ATXN3: variants seen among roughly 807,000 people sequenced by gnomAD.
ATXN3 encodes the protein ataxin 3, also known as ataxin-3.
ATXN3 carries 28 observed loss-of-function variants against 58.2 expected under a neutral mutation model. The observed-to-expected ratio is 0.48, with a 90% CI of 0.36 to 0.66. ATXN3 has a LOEUF of 0.66. Ranked by LOEUF, ATXN3 falls within the 30% of genes least tolerant of loss-of-function variation. ATXN3 has a pLI of 0.00. For missense variants in ATXN3, 321 were observed against 422.1 expected (o/e 0.76, Z 2.10); for synonymous variants, 113 against 138.5 (o/e 0.82, Z 1.29).
At chr14:92,106,383 G>T in intron 1 of ATXN3, 146 bp downstream of exon 1, 1 of 1,006,286 alleles carries the variant, frequency 9.9e-7, no homozygotes, top group Non-Finnish European at 1.5e-6. Flanking sequence ...AGCCGAGGAG[G>T]CGGGAGGCTG....
chr14:92,090,398 G>C (rs1355182003), intron 5 of ATXN3: 3 of 152,136 alleles, frequency 2.0e-5, no homozygotes, highest in Middle Eastern at 3.1e-3. Context: ...GTTAGCCACT[G>C]CACTCGGCCC....
intron 3 of ATXN3, 54 bp from the exon 4 acceptor site, chr14:92,093,885 AG>A: frequency 1.9e-6 from 2 of 1,076,012 alleles, no homozygotes; most frequent in Non-Finnish European, 2.9e-6. Context: ...TTCCAAATTT[AG>A]GAAGTGTAGC....
chr14:92,092,484 A>G (rs947764903), intron 5 of ATXN3, among the ~76,000 whole-genome samples: 3 of 152,242 alleles, frequency 2.0e-5, no homozygotes, highest in African/African-American at 7.2e-5. Context: ...TGGAATCATA[A>G]TGAATAATCT....
At chr14:92,092,787 C>A (rs1268300685) in intron 5 of ATXN3, among the ~76,000 whole-genome samples, 5 of 151,394 alleles carry the variant, frequency 3.3e-5, no homozygotes, top group Admixed American at 2.0e-4. Context: ...CCATGCTACA[C>A]ACACACACAT....
chr14:92,096,014 T>C, intron 3 of ATXN3, 79 bp downstream of exon 3: 1 of 1,171,020 alleles, frequency 8.5e-7, no homozygotes. Flanking sequence ...AAGGTCGCCT[T>C]GTTACAGTGA....
intron 2 of ATXN3, 25 bp downstream of exon 2, chr14:92,096,649 G>C (rs762803649): frequency 2.1e-6 from 3 of 1,447,258 alleles, no homozygotes; most frequent in Non-Finnish European, 9.5e-7. Flanking sequence ...AAAGAAATGT[G>C]ACTTAGTGAG....
chr14:92,065,889 A>AAATAAT (rs146832756), intron 10 of ATXN3, among the ~76,000 whole-genome samples: 42,655 of 151,486 alleles, frequency 0.28, 6,312 homozygotes, highest in African/African-American at 0.38. Flanking sequence ...TAAAAAAGAA[A>AAATAAT]AATAATAATA....
At chr14:92,077,979 T>TC (rs1230879379) in intron 9 of ATXN3, among the ~76,000 whole-genome samples, 1 of 103,756 alleles carries the variant, frequency 9.6e-6, no homozygotes, top group Non-Finnish European at 2.0e-5. Context: ...TTCTTTTCTC[T>TC]TTTTTTTTTT....
intron 2 of ATXN3, 197 bp downstream of exon 2, chr14:92,096,477 A>T: frequency 9.2e-6 from 7 of 758,574 alleles, no homozygotes; most frequent in South Asian, 1.9e-5. Context: ...ACAAAAAATT[A>T]GCCGGGCATA....
At chr14:92,066,671 G>A (rs1029792532) in intron 10 of ATXN3, among the ~76,000 whole-genome samples, 1 of 141,354 alleles carries the variant, frequency 7.1e-6, no homozygotes, top group African/African-American at 2.6e-5. Flanking sequence ...ACAGTGGCAT[G>A]AGCTTGGCTC....
intron 5 of ATXN3, among the ~76,000 whole-genome samples, chr14:92,091,691 G>A (rs2063851171): frequency 6.9e-6 from 1 of 145,180 alleles, no homozygotes; most frequent in South Asian, 2.3e-4. Context: ...CATATTTAAA[G>A]TGTATAATTT....
chr14:92,061,843 C>T lies in ATXN3; in HGVS notation c.*2477G>A, dbSNP rs1377030264. The T allele has an allele frequency of 6.6e-6, 1 of 152,182 alleles. No homozygotes were observed. Among genetic ancestry groups the T allele is most frequent in the Non-Finnish European group, 1.5e-5 (1 of 68,032 alleles). 9.4% of individuals were successfully genotyped at this position (152,182 alleles called of 1,614,324 possible). A position where few individuals can be genotyped will look rare whatever the true frequency, so the allele number is the denominator to read the frequency against. The stretch of plus-strand genomic sequence containing the variant: ...AAACAGTCAATTAAATTTAAGCCAA[C>T]CCCACCAAGATGACAGTTCACTAGT... On this transcript the variant is annotated 3_prime_UTR_variant, in exon 11 of 11. Transcript: ENST00000644486.
intron 2 of ATXN3, among the ~76,000 whole-genome samples, chr14:92,045,612 G>T (rs2057423279): frequency 6.6e-6 from 1 of 152,114 alleles, no homozygotes; most frequent in South Asian, 2.1e-4. Context: ...AATAGCAGAT[G>T]GAACACTGAG....
intron 3 of ATXN3, among the ~76,000 whole-genome samples, chr14:92,095,253 T>C (rs1056315103): frequency 1.3e-5 from 2 of 152,104 alleles, no homozygotes; most frequent in African/African-American, 4.8e-5. Flanking sequence ...AAGGATTTCT[T>C]TTTTTCTTTG....
At chr14:92,093,495 C>T (rs935366876) in intron 4 of ATXN3, 177 bp from the exon 5 acceptor site, 1 of 619,156 alleles carries the variant, frequency 1.6e-6, no homozygotes, top group Non-Finnish European at 2.8e-6. Context: ...CTTAGTGATG[C>T]TGTGCCACAA....
At chr14:92,074,623 G>A (rs1321799930) in intron 9 of ATXN3, among the ~76,000 whole-genome samples, 1 of 152,196 alleles carries the variant, frequency 6.6e-6, no homozygotes, top group Non-Finnish European at 1.5e-5. Flanking sequence ...TACTGTGGAG[G>A]CCTGGCTAAG....
rs1026450827 is a variant in ATXN3, at chr14:92,063,243, G to A, written c.*1077C>T. The A allele has an allele frequency of 6.6e-6, 1 of 152,400 alleles. No homozygotes were observed. The highest frequency in any genetic ancestry group is 1.5e-5 in the Non-Finnish European group (1 of 68,006). The allele number at this position is 152,400 out of a possible 1,614,324, so 9.4% of individuals were successfully genotyped here. A position where few individuals can be genotyped will look rare whatever the true frequency, so the allele number is the denominator to read the frequency against. On this transcript the variant is annotated 3_prime_UTR_variant, in exon 11 of 11. Coordinates refer to ENST00000644486, the MANE Select transcript of ATXN3 (RefSeq NM_004993.6). ...TTTCATGTTCCAGATCACCATCTTT[G>A]ACAAGCTATACCTACTAAAAGATGT...
chr14:92,095,178 G>C (rs1249010555), intron 3 of ATXN3, among the ~76,000 whole-genome samples: 1 of 151,864 alleles, frequency 6.6e-6, no homozygotes, highest in East Asian at 1.9e-4. Flanking sequence ...TGGTAGCAAG[G>C]TATTGCATTT....
At chr14:92,074,037 G>GC in intron 9 of ATXN3, among the ~76,000 whole-genome samples, 1 of 144,302 alleles carries the variant, frequency 6.9e-6, no homozygotes, top group East Asian at 2.1e-4. Flanking sequence ...AAAAAAAAGG[G>GC]AGAAATGGGC....
Sources: allele counts gnomAD v4.1 joint callset (sites outside exome capture counted in the v4.1 genomes callset), GRCh38; gene constraint gnomAD v4.1.1; transcripts MANE v1.5; gene names NCBI Gene and HGNC (gene_info 2026-07-23, HGNC 2026-07-21).